Variants in ATRNL1 observed in about 807,000 individuals in gnomAD.
ATRNL1 encodes the protein attractin-like protein 1.
ATRNL1 carries 95 observed loss-of-function variants against 182.7 expected under a neutral mutation model. The observed-to-expected ratio is 0.52, with a 90% CI of 0.44 to 0.62. The LOEUF (loss-of-function observed/expected upper bound fraction) is 0.62. ATRNL1 is among the 20% of genes least tolerant of loss of function. The pLI is 0.00. For missense variants in ATRNL1, 1,471 were observed against 1,679.5 expected (o/e 0.88, Z 2.17); for synonymous variants, 576 against 568.3 (o/e 1.01, Z -0.19).
chr10:115,901,767 T>G (rs1337316939), intron 28 of ATRNL1, among the ~76,000 whole-genome samples: 2 of 149,030 alleles, frequency 1.3e-5, no homozygotes, highest in Non-Finnish European at 3.0e-5. Flanking sequence ...AAAAAAAAGC[T>G]TTGCTTTTCT....
chr10:115,933,344 G>A (rs1953461770), intron 28 of ATRNL1, among the ~76,000 whole-genome samples: 1 of 152,214 alleles, frequency 6.6e-6, no homozygotes, highest in Non-Finnish European at 1.5e-5. Context: ...GGTACTACCA[G>A]TGCAGTTCTC....
chr10:115,801,526 G>A (rs2907577), intron 27 of ATRNL1, among the ~76,000 whole-genome samples: 117,874 of 152,108 alleles, frequency 0.77, 45,800 homozygotes, highest in African/African-American at 0.83. Flanking sequence ...TTGAAATGCA[G>A]ATTATGTGGT....
At chr10:115,139,736 A>T (rs891796326) in intron 5 of ATRNL1, among the ~76,000 whole-genome samples, 1 of 152,226 alleles carries the variant, frequency 6.6e-6, no homozygotes. Flanking sequence ...CAAATATTAG[A>T]TCATTCAGAT....
chr10:115,331,397 C>T (rs2134065328), intron 18 of ATRNL1, among the ~76,000 whole-genome samples: 1 of 152,168 alleles, frequency 6.6e-6, no homozygotes, highest in South Asian at 2.1e-4. Flanking sequence ...TTCTTTTTAG[C>T]TCCTGGATTA....
intron 19 of ATRNL1, among the ~76,000 whole-genome samples, chr10:115,368,477 C>A (rs1157188298): frequency 6.6e-6 from 1 of 152,188 alleles, no homozygotes; most frequent in Non-Finnish European, 1.5e-5. Flanking sequence ...CAGAAATCAC[C>A]CGTCTTCTGC....
chr10:115,094,105 C>T (rs2084948768), intron 1 of ATRNL1, 62 bp downstream of exon 1: 1 of 1,300,054 alleles, frequency 7.7e-7, no homozygotes, highest in South Asian at 2.2e-5. Context: ...CGGCCTTCCC[C>T]GCCCCCCTCG....
intron 9 of ATRNL1, among the ~76,000 whole-genome samples, chr10:115,216,094 C>T (rs1290993125): frequency 6.6e-6 from 1 of 152,100 alleles, no homozygotes; most frequent in Non-Finnish European, 1.5e-5. Context: ...ATTTTATTGT[C>T]ATCTGTAAAT....
chr10:115,281,238 G>A, intron 13 of ATRNL1, 117 bp from the exon 14 acceptor site: 1 of 795,710 alleles, frequency 1.3e-6, no homozygotes, highest in Non-Finnish European at 1.9e-6. Context: ...CAGTTGAATT[G>A]TATTTGGAGT....
At chr10:115,523,457 A>G (rs1851057605) in intron 25 of ATRNL1, among the ~76,000 whole-genome samples, 2 of 152,210 alleles carry the variant, frequency 1.3e-5, no homozygotes, top group African/African-American at 4.8e-5. Flanking sequence ...CTTCTCTGCC[A>G]CATGGCCAGG....
At chr10:115,931,568 A>G (rs1481503541) in intron 28 of ATRNL1, among the ~76,000 whole-genome samples, 2 of 152,186 alleles carry the variant, frequency 1.3e-5, no homozygotes, top group East Asian at 3.9e-4. Flanking sequence ...TCTTGCTTTA[A>G]TCAGCCATTG....
chr10:115,195,258 G>T (rs148533363), intron 8 of ATRNL1, among the ~76,000 whole-genome samples: 207 of 152,158 alleles, frequency 1.4e-3, no homozygotes, highest in African/African-American at 4.9e-3. Context: ...TCACATTGAA[G>T]AACTCCTTTT....
chr10:115,505,260 A>C (rs1466953555), intron 24 of ATRNL1, among the ~76,000 whole-genome samples: 2 of 131,982 alleles, frequency 1.5e-5, no homozygotes, highest in Non-Finnish European at 3.3e-5. Flanking sequence ...AAAAAGGGAG[A>C]ATAATCATGA....
At chr10:115,230,845 A>T (rs1554899762) in intron 9 of ATRNL1, among the ~76,000 whole-genome samples, 2 of 146,062 alleles carry the variant, frequency 1.4e-5, no homozygotes, top group African/African-American at 5.0e-5. Context: ...AATTGAAAAA[A>T]CTAGGGGACT....
chr10:115,637,858 C>T (rs557275092), intron 26 of ATRNL1, among the ~76,000 whole-genome samples: 4 of 151,888 alleles, frequency 2.6e-5, no homozygotes, highest in East Asian at 3.9e-4. Context: ...CTCCTGACCT[C>T]GTGATCTGCC....
At chr10:115,368,716 A>ATTTT (rs557325461) in intron 19 of ATRNL1, among the ~76,000 whole-genome samples, 6 of 138,136 alleles carry the variant, frequency 4.3e-5, no homozygotes, top group African/African-American at 1.6e-4. Flanking sequence ...ATTCGATTCT[A>ATTTT]TTTTTTTTTT....
intron 26 of ATRNL1, among the ~76,000 whole-genome samples, chr10:115,644,160 C>T (rs557006895): frequency 2.6e-5 from 4 of 152,100 alleles, no homozygotes; most frequent in South Asian, 2.1e-4. Context: ...GATACAACAG[C>T]GTGGATGAAT....
At chr10:115,717,412 T>C (rs1947286304) in intron 26 of ATRNL1, among the ~76,000 whole-genome samples, 1 of 152,132 alleles carries the variant, frequency 6.6e-6, no homozygotes, top group South Asian at 2.1e-4. Flanking sequence ...ATAAACCCAA[T>C]ATTATACTTT....
At chr10:115,459,282 A>T (rs556768938) in intron 21 of ATRNL1, among the ~76,000 whole-genome samples, 1 of 152,208 alleles carries the variant, frequency 6.6e-6, no homozygotes, top group African/African-American at 2.4e-5. Context: ...TTCAGGGAAT[A>T]CGAGAGATAA....
intron 26 of ATRNL1, among the ~76,000 whole-genome samples, chr10:115,681,898 A>G (rs180686579): frequency 5.3e-5 from 8 of 152,340 alleles, no homozygotes; most frequent in Admixed American, 3.3e-4. Context: ...TGTGAAAGAA[A>G]TATAGGTAAT....
Sources: gnomAD v4.1 joint callset for allele counts (sites outside exome capture counted in the v4.1 genomes callset) on GRCh38, gnomAD v4.1.1 for gene constraint, MANE v1.5 for transcripts, NCBI Gene and HGNC (gene_info 2026-07-23, HGNC 2026-07-21) for gene names.